The following CUL3 variants were observed in gnomAD, a reference collection of about 807,000 sequenced individuals.
The protein encoded by CUL3 is cullin-3.
A neutral mutation model predicts 89.1 loss-of-function variants in CUL3; 19 were observed. That is an observed-to-expected ratio of 0.21 (90% CI 0.15 to 0.31). The LOEUF is 0.31. Among genes scored for constraint, CUL3 ranks in the 10% least tolerant of loss-of-function variants. The pLI is 1.00. For synonymous variants in CUL3, 351 were observed against 308.4 expected, an observed-to-expected ratio of 1.14 and a Z score of -1.45; for missense variants, 469 against 942.3, an observed-to-expected ratio of 0.50 and a Z score of 6.58.
At chr2:224,478,939 T>C (rs920436736) in intron 14 of CUL3, 1 of 152,350 alleles carries the variant, frequency 6.6e-6, no homozygotes, top group African/African-American at 2.4e-5. Flanking sequence ...ATATATTTTA[T>C]TATGCTTTTT....
At chr2:224,537,120 G>T (rs1693927900) in intron 2 of CUL3, among the ~76,000 whole-genome samples, 1 of 152,098 alleles carries the variant, frequency 6.6e-6, no homozygotes, top group South Asian at 2.1e-4. Context: ...AATGTATGTT[G>T]AGATATATAG....
intron 13 of CUL3, among the ~76,000 whole-genome samples, chr2:224,487,443 C>A (rs1291521094): frequency 5.0e-4 from 14 of 28,090 alleles, no homozygotes; most frequent in East Asian, 9.5e-4. Flanking sequence ...CCGCCCCCCC[C>A]AAAAAAAAAA....
intron 15 of CUL3, among the ~76,000 whole-genome samples, chr2:224,476,260 G>A (rs762811376): frequency 6.6e-6 from 1 of 151,974 alleles, no homozygotes; most frequent in Non-Finnish European, 1.5e-5. Context: ...CAGGTGATCC[G>A]CCCACCTTGG....
intron 1 of CUL3, 132 bp downstream of exon 1, chr2:224,584,812 C>G (rs915183295): frequency 2.1e-6 from 1 of 470,478 alleles, no homozygotes; most frequent in Non-Finnish European, 2.9e-6. Context: ...AAGGCTCGCG[C>G]CCCGCGGCCG....
chr2:224,515,675 A>C (rs1056907204), intron 3 of CUL3, among the ~76,000 whole-genome samples: 1 of 151,666 alleles, frequency 6.6e-6, no homozygotes, highest in South Asian at 2.1e-4. Flanking sequence ...AACCAGAATA[A>C]TACTAATCAA....
intron 2 of CUL3, among the ~76,000 whole-genome samples, chr2:224,539,725 C>T (rs1408502859): frequency 6.6e-6 from 1 of 151,500 alleles, no homozygotes; most frequent in African/African-American, 2.4e-5. Context: ...ACTGTATGAT[C>T]CAACTATATG....
chr2:224,566,870 T>C (rs1695051873), intron 1 of CUL3, among the ~76,000 whole-genome samples: 1 of 152,250 alleles, frequency 6.6e-6, no homozygotes, highest in Non-Finnish European at 1.5e-5. Context: ...CACAAGGTTT[T>C]TGCACCAGCT....
chr2:224,584,150 C>G (rs1695509706), intron 1 of CUL3, among the ~76,000 whole-genome samples: 3 of 152,148 alleles, frequency 2.0e-5, no homozygotes, highest in African/African-American at 7.2e-5. Flanking sequence ...GAAAAAGTTT[C>G]TGAGCAGAAC....
chr2:224,481,249 T>C (rs1047681094), intron 14 of CUL3, among the ~76,000 whole-genome samples: 1 of 152,060 alleles, frequency 6.6e-6, no homozygotes, highest in African/African-American at 2.4e-5. Flanking sequence ...TAATACTAGT[T>C]TTTAAGCCAA....
intron 2 of CUL3, among the ~76,000 whole-genome samples, chr2:224,539,694 G>C (rs1694022895): frequency 6.6e-6 from 1 of 151,848 alleles, no homozygotes. Flanking sequence ...AGTGAAATAA[G>C]CTAATCTGAA....
At chr2:224,519,750 T>C (rs1693195835) in intron 3 of CUL3, among the ~76,000 whole-genome samples, 1 of 152,186 alleles carries the variant, frequency 6.6e-6, no homozygotes, top group South Asian at 2.1e-4. Flanking sequence ...TAAACAGAAA[T>C]GCACACATAT....
chr2:224,551,588 G>A (rs1694520240), intron 2 of CUL3, among the ~76,000 whole-genome samples: 1 of 149,720 alleles, frequency 6.7e-6, no homozygotes, highest in South Asian at 2.1e-4. Context: ...AGGTGTTCCT[G>A]CCACCTCAGT....
At chr2:224,565,774 C>G (rs1205124486) in intron 1 of CUL3, among the ~76,000 whole-genome samples, 1 of 152,218 alleles carries the variant, frequency 6.6e-6, no homozygotes, top group Non-Finnish European at 1.5e-5. Flanking sequence ...AGATCCATAT[C>G]CTGAAACCCT....
At chr2:224,549,836 T>C (rs1056157423) in intron 2 of CUL3, among the ~76,000 whole-genome samples, 2 of 152,092 alleles carry the variant, frequency 1.3e-5, no homozygotes, top group African/African-American at 2.4e-5. Context: ...CTTTAGTATC[T>C]GACTTACATA....
intron 1 of CUL3, among the ~76,000 whole-genome samples, chr2:224,573,389 T>C (rs1415413218): frequency 1.3e-5 from 2 of 152,232 alleles, no homozygotes; most frequent in African/African-American, 4.8e-5. Context: ...GGTTATGCTT[T>C]TGACTGCTTT....
intron 1 of CUL3, among the ~76,000 whole-genome samples, chr2:224,581,852 C>G (rs1217745432): frequency 6.6e-6 from 1 of 151,848 alleles, no homozygotes; most frequent in Non-Finnish European, 1.5e-5. Flanking sequence ...ACTACAGTTT[C>G]CCTTAAATTA....
At chr2:224,516,764 AG>A (rs139108260) in intron 3 of CUL3, among the ~76,000 whole-genome samples, 30,695 of 151,618 alleles carry the variant, frequency 0.2, 3,375 homozygotes, top group African/African-American at 0.24. Flanking sequence ...CTCCTGCCTC[AG>A]CCGCCCAAGT....
At chr2:224,512,746 G>A (rs922190081) in intron 5 of CUL3, among the ~76,000 whole-genome samples, 5 of 152,160 alleles carry the variant, frequency 3.3e-5, no homozygotes, top group African/African-American at 1.2e-4. Context: ...GTGACTAAAA[G>A]CCTGCAGATG....
At chr2:224,563,254 T>C (rs1169914321) in intron 1 of CUL3, 5 of 471,174 alleles carry the variant, frequency 1.1e-5, no homozygotes, top group Non-Finnish European at 2.2e-5. Context: ...TGTATACTAC[T>C]TTTCCAGAGC....
Sources: allele counts gnomAD v4.1 joint callset (sites outside exome capture counted in the v4.1 genomes callset), GRCh38; gene constraint gnomAD v4.1.1; transcripts MANE v1.5; gene names NCBI Gene and HGNC (gene_info 2026-07-23, HGNC 2026-07-21).